The following PLEKHH2 variants were observed in gnomAD, a reference collection of about 807,000 sequenced individuals.
PLEKHH2 encodes pleckstrin homology, MyTH4 and FERM domain containing H2, also known as pleckstrin homology domain-containing family H member 2.
In PLEKHH2, 129 loss-of-function variants were observed where a neutral mutation model predicts 187.9. The observed-to-expected ratio is 0.69, with a 90% confidence interval of 0.59 to 0.79. PLEKHH2 has a LOEUF of 0.79. Among genes scored for constraint, PLEKHH2 ranks in the 30% least tolerant of loss-of-function variants. The pLI is 0.00. For synonymous variants in PLEKHH2, 686 were observed against 605.6 expected (o/e 1.13, Z -1.95); for missense variants, 2,076 against 1,751.2 (o/e 1.19, Z -3.31).
chr2:43,689,454 A>C (rs543006462), intron 3 of PLEKHH2, among the ~76,000 whole-genome samples: 1 of 152,364 alleles, frequency 6.6e-6, no homozygotes, highest in Non-Finnish European at 1.5e-5. Context: ...AGTAGTTAAA[A>C]TTCTTAAATG....
intron 2 of PLEKHH2, among the ~76,000 whole-genome samples, chr2:43,678,417 A>C (rs1431239748): frequency 1.3e-5 from 2 of 152,148 alleles, no homozygotes; most frequent in East Asian, 3.9e-4. Context: ...CAGCCTGGGC[A>C]CCATTGAGCA....
chr2:43,729,216 C>A (rs1277244572), intron 17 of PLEKHH2, among the ~76,000 whole-genome samples: 1 of 152,120 alleles, frequency 6.6e-6, no homozygotes, highest in Non-Finnish European at 1.5e-5. Flanking sequence ...GACCAGGAAT[C>A]TTTGGTGAAT....
chr2:43,654,432 T>C (rs187581714), intron 2 of PLEKHH2, among the ~76,000 whole-genome samples: 137 of 152,096 alleles, frequency 9.0e-4, no homozygotes, highest in Admixed American at 3.2e-3. Flanking sequence ...CTTGACCTTG[T>C]GATCTGCCTG....
chr2:43,727,993 CT>C (rs1409842650), intron 17 of PLEKHH2, among the ~76,000 whole-genome samples: 3 of 152,072 alleles, frequency 2.0e-5, no homozygotes, highest in African/African-American at 7.2e-5. Context: ...CTTTTATTGT[CT>C]CTGAGATTAT....
chr2:43,712,131 G>A (rs1669995878), intron 14 of PLEKHH2, 94 bp from the exon 15 acceptor site: 6 of 1,468,724 alleles, frequency 4.1e-6, no homozygotes, highest in Middle Eastern at 2.0e-4. Context: ...TTGCTTCTGT[G>A]TTAAGTAATG....
rs184510734 is a variant in PLEKHH2 at position 43,659,882 on chromosome 2, T to C, written c.123+15086T>C. Among the ~76,000 whole-genome samples the C allele has an allele frequency of 5.9e-4, 90 of 152,346 alleles. No individual in the cohort carries two copies. The East Asian group carries it at 9.3e-3, about 16-fold the overall frequency. On this transcript the variant is annotated intron_variant, in intron 2 of 29. Coordinates refer to ENST00000282406, the MANE Select transcript of PLEKHH2 (RefSeq NM_172069.4). ...CCTGCAAGGCACTTTTTAAAAATTT[T>C]TTTTGGTCAAGTTAATTGAGTACAT...
chr2:43,760,458 G>A (rs960703153), intron 27 of PLEKHH2, among the ~76,000 whole-genome samples: 1 of 150,462 alleles, frequency 6.6e-6, no homozygotes, highest in Non-Finnish European at 1.5e-5. Flanking sequence ...CGCCTCCCAG[G>A]TTCAAGCGAT....
chr2:43,754,718 T>C (rs1467903238), intron 25 of PLEKHH2, among the ~76,000 whole-genome samples: 1 of 152,170 alleles, frequency 6.6e-6, no homozygotes, highest in Non-Finnish European at 1.5e-5. Context: ...AAGGCTTAGA[T>C]TCCCCAGGGT....
intron 1 of PLEKHH2, among the ~76,000 whole-genome samples, chr2:43,642,270 G>A (rs972385743): frequency 2.0e-5 from 3 of 151,778 alleles, no homozygotes; most frequent in African/African-American, 7.3e-5. Flanking sequence ...TTCATTTTTG[G>A]ATTTTTCCTT....
intron 19 of PLEKHH2, among the ~76,000 whole-genome samples, chr2:43,736,007 C>T (rs1424481906): frequency 1.3e-5 from 2 of 151,936 alleles, no homozygotes; most frequent in African/African-American, 4.8e-5. Context: ...CAAAGATATG[C>T]CCCATTATTT....
intron 2 of PLEKHH2, among the ~76,000 whole-genome samples, chr2:43,667,269 G>A (rs1428418333): frequency 1.3e-5 from 2 of 152,176 alleles, no homozygotes; most frequent in Non-Finnish European, 1.5e-5. Context: ...TAGGATGGCT[G>A]TAGTCAAAGA....
At chr2:43,654,110 T>C (rs1666621632) in intron 2 of PLEKHH2, among the ~76,000 whole-genome samples, 1 of 152,232 alleles carries the variant, frequency 6.6e-6, no homozygotes, top group Non-Finnish European at 1.5e-5. Context: ...ACTTAAAACA[T>C]GAAGGCAAAT....
Position 43,704,069 on chromosome 2 carries a change from T to G in PLEKHH2, c.1726+13T>G. The G allele has an allele frequency of 6.4e-7, 1 of 1,553,320 alleles. No individual in the cohort carries two copies. ...AGTGTTAATAAAAGTAAGTGCTTTT[T>G]CATGCTGCCACCTGGATGAACCTTG... On this transcript the variant is annotated intron_variant, in intron 9 of 29. Transcript: ENST00000282406.
At chr2:43,675,421 T>G in intron 2 of PLEKHH2, 1 of 1,608,124 alleles carries the variant, frequency 6.2e-7, no homozygotes, top group East Asian at 2.2e-5. Context: ...GAGTGTGTCA[T>G]TGAAATAGTG....
At position 43,740,970 on chromosome 2, in the gene PLEKHH2, G is replaced by A. The variant is rs142126338; in HGVS notation, c.3148G>A (p.Val1050Ile). 112 of 1,613,870 alleles carry A rather than the reference G, an allele frequency of 6.9e-5. No individual in the cohort carries two copies. The highest frequency in any genetic ancestry group is 1.6e-4 in the African/African-American group (12 of 74,898). ...LQGWQLLALC[V>I]GLFLPHHPFL... ...GGGCTGGCAGCTCTTGGCACTCTGC[G>A]TTGGGCTCTTCCTTCCCCATCATCC... is the stretch of plus-strand genomic sequence containing the variant. Residue 1050 changes from valine (V) to isoleucine (I), a missense_variant, in exon 21 of 30, where the codon GTT becomes ATT. Coordinates refer to ENST00000282406, the MANE Select transcript of PLEKHH2 (RefSeq NM_172069.4).
chr2:43,707,269 T>C (rs890435615), intron 10 of PLEKHH2, 132 bp from the exon 11 acceptor site: 8 of 851,268 alleles, frequency 9.4e-6, no homozygotes, highest in African/African-American at 8.6e-5. Flanking sequence ...AAAAGAGTGA[T>C]AACCTTAGGG....
In PLEKHH2 at chr2:43,712,275, A is replaced by G; in HGVS notation, c.2352A>G (p.Ile784Met). The change falls in exon 15 of 30, where the codon ATA becomes ATG. Residue 784 changes from isoleucine to methionine, a missense_variant. Transcript: ENST00000282406. ...ATCTGACTGCAGATTCTCCCAATATATTGGAAGAGTGGATTAAAGTGTTAC... is the reference window on the plus strand; with the variant it reads ...ATCTGACTGCAGATTCTCCCAATATGTTGGAAGAGTGGATTAAAGTGTTAC... ...TYYLTADSPN[I>M]LEEWIKVLQN... 1 of 1,613,566 alleles carries G rather than the reference A, an allele frequency of 6.2e-7. No individual in the cohort carries two copies.
chr2:43,696,044 A>G (rs1217974696), intron 6 of PLEKHH2, among the ~76,000 whole-genome samples: 1 of 152,170 alleles, frequency 6.6e-6, no homozygotes, highest in Non-Finnish European at 1.5e-5. Context: ...CCCCATATGG[A>G]TCTTCTAGAT....
rs58739376 is a variant in PLEKHH2 at position 43,720,280 on chromosome 2, C to CT, written c.2461-374dup. Reference sequence around the variant, plus strand: ...ATTCTACTACTGTTAACAGGTAAATCTTTTTTTTTTTTTTTACAACTTTTA... The same window carrying CT: ...ATTCTACTACTGTTAACAGGTAAATCTTTTTTTTTTTTTTTTACAACTTTTA... On this transcript the variant is annotated intron_variant, in intron 15 of 29. Transcript: ENST00000282406. Among the ~76,000 whole-genome samples, 277 of 147,754 alleles carry CT rather than the reference C, an allele frequency of 1.9e-3. 2 individuals are homozygous for CT. Among genetic ancestry groups the CT allele is most frequent in the African/African-American group, 4.5e-3 (181 of 40,460 alleles).
Sources: allele counts gnomAD v4.1 joint callset (sites outside exome capture counted in the v4.1 genomes callset), GRCh38; gene constraint gnomAD v4.1.1; transcripts MANE v1.5; gene names NCBI Gene and HGNC (gene_info 2026-07-23, HGNC 2026-07-21).